MAGI1: variants seen among roughly 807,000 people sequenced by gnomAD.
MAGI1 encodes membrane associated guanylate kinase, WW and PDZ domain containing 1, also known as membrane-associated guanylate kinase, WW and PDZ domain-containing protein 1.
Under a neutral mutation model 139.9 loss-of-function variants are expected in MAGI1, and 58 were observed. The ratio of observed to expected loss-of-function variants is 0.41; its 90% CI spans 0.34 to 0.52. The LOEUF (loss-of-function observed/expected upper bound fraction) is 0.52, where lower values mean the gene tolerates loss of function less well. Ranked by LOEUF, MAGI1 falls within the 20% of genes least tolerant of loss-of-function variation. The pLI, the probability that MAGI1 is intolerant of heterozygous loss-of-function variation, is 0.12. For synonymous variants in MAGI1, 812 were observed against 737.9 expected (o/e 1.10, Z -1.63); for missense variants, 1,874 against 1,901.6 (o/e 0.99, Z 0.27).
chr3:65,867,790 C>A (rs969697457), intron 1 of MAGI1, among the ~76,000 whole-genome samples: 1 of 151,992 alleles, frequency 6.6e-6, no homozygotes, highest in Non-Finnish European at 1.5e-5. Flanking sequence ...GTGGGCTGTA[C>A]AACAAGCACA....
intron 6 of MAGI1, among the ~76,000 whole-genome samples, chr3:65,452,321 C>G (rs933475748): frequency 4.6e-5 from 7 of 152,114 alleles, no homozygotes; most frequent in Admixed American, 3.9e-4. Flanking sequence ...AAAATACTGC[C>G]TTGCATTTTC....
chr3:65,936,512 G>A (rs1018228090), intron 1 of MAGI1, among the ~76,000 whole-genome samples: 4 of 151,110 alleles, frequency 2.6e-5, no homozygotes, highest in South Asian at 4.2e-4. Context: ...GCTGGTACAC[G>A]CCTGTAATCC....
intron 1 of MAGI1, among the ~76,000 whole-genome samples, chr3:65,956,340 C>T (rs1438518437): frequency 2.0e-5 from 3 of 152,068 alleles, no homozygotes; most frequent in African/African-American, 7.2e-5. Flanking sequence ...GACTGAGTCT[C>T]AAAGAGGTAA....
chr3:65,594,602 C>T (rs190875853), intron 2 of MAGI1, among the ~76,000 whole-genome samples: 1 of 152,176 alleles, frequency 6.6e-6, no homozygotes, highest in East Asian at 1.9e-4. Flanking sequence ...TTTTCTGGTG[C>T]CAGAGGGTGT....
chr3:65,672,953 T>C (rs1027544152), intron 1 of MAGI1, among the ~76,000 whole-genome samples: 19 of 152,206 alleles, frequency 1.2e-4, no homozygotes, highest in African/African-American at 4.6e-4. Context: ...GATAAATTGC[T>C]TTCTTCTATC....
At chr3:65,389,667 C>T (rs1403592577) in intron 14 of MAGI1, among the ~76,000 whole-genome samples, 15 of 152,176 alleles carry the variant, frequency 9.9e-5, no homozygotes, top group Admixed American at 9.8e-4. Flanking sequence ...GGTTAGCATC[C>T]ACTGCATATG....
intron 1 of MAGI1, among the ~76,000 whole-genome samples, chr3:65,907,110 G>C (rs999389526): frequency 4.0e-5 from 6 of 151,238 alleles, no homozygotes; most frequent in Admixed American, 2.0e-4. Flanking sequence ...AAAAGAAATG[G>C]CTCGATGACA....
chr3:65,570,696 G>C (rs2080916202), intron 2 of MAGI1, among the ~76,000 whole-genome samples: 1 of 152,194 alleles, frequency 6.6e-6, no homozygotes, highest in South Asian at 2.1e-4. Flanking sequence ...GTTGACCACT[G>C]TTGAAGCTAC....
intron 1 of MAGI1, chr3:65,687,423 TC>T: frequency 2.8e-6 from 1 of 362,498 alleles, no homozygotes; most frequent in South Asian, 2.7e-5. Context: ...GAAATGGCCC[TC>T]CCCTGGGTCA....
chr3:65,730,369 A>T (rs1559827705), intron 1 of MAGI1, among the ~76,000 whole-genome samples: 1 of 152,190 alleles, frequency 6.6e-6, no homozygotes, highest in Non-Finnish European at 1.5e-5. Context: ...TTTTCACAAG[A>T]TGCTACTACC....
chr3:65,481,579 G>T (rs529072272), intron 3 of MAGI1, among the ~76,000 whole-genome samples: 1 of 152,094 alleles, frequency 6.6e-6, no homozygotes, highest in African/African-American at 2.4e-5. Flanking sequence ...TTAAATTAAG[G>T]CCAATGTCTA....
intron 2 of MAGI1, among the ~76,000 whole-genome samples, chr3:65,586,529 C>T (rs1194009704): frequency 1.3e-5 from 2 of 152,072 alleles, no homozygotes; most frequent in Non-Finnish European, 2.9e-5. Context: ...AAAAGAGTAA[C>T]TTTTGTTGCA....
intron 1 of MAGI1, among the ~76,000 whole-genome samples, chr3:65,919,821 T>A (rs1289549314): frequency 6.6e-6 from 1 of 152,152 alleles, no homozygotes; most frequent in East Asian, 1.9e-4. Flanking sequence ...GCCTGCTTCC[T>A]GATATCTAAC....
chr3:65,502,861 G>C (rs909708880), intron 2 of MAGI1, among the ~76,000 whole-genome samples: 1 of 152,086 alleles, frequency 6.6e-6, no homozygotes, highest in African/African-American at 2.4e-5. Context: ...GGTGGTCATG[G>C]TGCCAAGGAA....
intron 1 of MAGI1, among the ~76,000 whole-genome samples, chr3:65,849,175 C>T (rs1321236868): frequency 6.6e-6 from 1 of 151,494 alleles, no homozygotes; most frequent in Non-Finnish European, 1.5e-5. Flanking sequence ...AGGCATGTGC[C>T]ACCACGCCTG....
intron 2 of MAGI1, among the ~76,000 whole-genome samples, chr3:65,519,183 C>A (rs986305157): frequency 6.6e-6 from 1 of 151,948 alleles, no homozygotes; most frequent in South Asian, 2.1e-4. Context: ...GCGGTTTTTG[C>A]CATTACTTTC....
intron 2 of MAGI1, among the ~76,000 whole-genome samples, chr3:65,502,401 G>T (rs374348653): frequency 9.3e-6 from 1 of 107,696 alleles, no homozygotes; most frequent in East Asian, 2.2e-4. Flanking sequence ...TTAGCATAAG[G>T]ATTTGTCTTC....
chr3:65,870,761 A>C lies in MAGI1; in HGVS notation c.313+167235T>G, dbSNP rs1418581672. 2.0e-5 allele frequency among the ~76,000 whole-genome samples: 3 copies of C among 151,862 alleles called. No homozygotes were observed. The East Asian group carries it at 5.8e-4, about 30-fold the overall frequency. ...AATGAAAAGGAAATGAAGAAAGACT[A>C]AGACTTTTATATGTTCCTACAAGTG... is the stretch of plus-strand genomic sequence containing the variant. On this transcript the variant is annotated intron_variant, in intron 1 of 22. Coordinates refer to ENST00000402939, the MANE Select transcript of MAGI1 (RefSeq NM_001033057.2).
At chr3:65,486,457 C>T (rs911586302) in intron 3 of MAGI1, among the ~76,000 whole-genome samples, 1 of 151,934 alleles carries the variant, frequency 6.6e-6, no homozygotes, top group African/African-American at 2.4e-5. Context: ...AGTGACCTGT[C>T]TTGCAGAGCA....
Sources: gnomAD v4.1 joint callset for allele counts (sites outside exome capture counted in the v4.1 genomes callset) on GRCh38, gnomAD v4.1.1 for gene constraint, MANE v1.5 for transcripts, NCBI Gene and HGNC (gene_info 2026-07-23, HGNC 2026-07-21) for gene names.